The following TJP1 variants were observed in gnomAD, a reference collection of about 807,000 sequenced individuals.
TJP1 encodes the protein tight junction protein 1, also known as tight junction protein ZO-1.
TJP1 carries 43 observed loss-of-function variants against 194.2 expected under a neutral mutation model. That is an observed-to-expected ratio of 0.22 (90% CI 0.17 to 0.29). The LOEUF is 0.29. Among genes scored for constraint, TJP1 ranks in the 10% least tolerant of loss-of-function variants. TJP1 has a pLI of 1.00. For missense variants in TJP1, 1,971 were observed against 2,185.7 expected, an observed-to-expected ratio of 0.90 and a Z score of 1.96; for synonymous variants, 801 against 779.0, an observed-to-expected ratio of 1.03 and a Z score of -0.47.
chr15:29,802,925 CCTCT>C (rs1318158160), intron 1 of TJP1, among the ~76,000 whole-genome samples: 2 of 152,088 alleles, frequency 1.3e-5, no homozygotes, highest in Admixed American at 6.5e-5. Flanking sequence ...AGTTCATCAT[CCTCT>C]CTAAGGTCTT....
chr15:29,903,966 C>A (rs2053720665), intron 2 of TJP1, among the ~76,000 whole-genome samples: 1 of 152,122 alleles, frequency 6.6e-6, no homozygotes, highest in African/African-American at 2.4e-5. Context: ...AATTGAGAAG[C>A]ACAAGTGCCT....
intron 26 of TJP1, among the ~76,000 whole-genome samples, chr15:29,704,878 G>A (rs888260006): frequency 1.3e-5 from 2 of 152,206 alleles, no homozygotes; most frequent in African/African-American, 4.8e-5. Context: ...TCAGAGTACA[G>A]AATCAGATGT....
chr15:29,758,549 A>G (rs1016141102), intron 8 of TJP1, among the ~76,000 whole-genome samples: 1 of 152,234 alleles, frequency 6.6e-6, no homozygotes, highest in African/African-American at 2.4e-5. Context: ...TTTACAATCT[A>G]AACTAATGGC....
At chr15:29,716,947 C>T (rs2042606205) in intron 22 of TJP1, 109 bp from the exon 23 acceptor site, 2 of 905,184 alleles carry the variant, frequency 2.2e-6, no homozygotes, top group Non-Finnish European at 3.3e-6. Context: ...TTACTAACTG[C>T]TGTGATTACT....
At chr15:29,733,039 T>C (rs936876598) in intron 13 of TJP1, 55 bp downstream of exon 13, 28 of 1,555,604 alleles carry the variant, frequency 1.8e-5, no homozygotes, top group African/African-American at 1.4e-5. Flanking sequence ...GGGATTGAAA[T>C]GATCTATCAT....
At position 29,830,612 on chromosome 15, in the gene TJP1, A is replaced by G. The variant is rs967572198; in HGVS notation, c.307-29910T>C. Among the ~76,000 whole-genome samples, 4 of 151,770 alleles carry G rather than the reference A, an allele frequency of 2.6e-5. No homozygotes were observed. In the East Asian group the frequency reaches 7.7e-4, roughly 29 times the overall value. ...ACCAAGATTTTCTGTTTAAGAGAAA[A>G]GAGAAACAAGTATAAAATAAAAAAA... On this transcript the variant is annotated intron_variant, in intron 2 of 28. Coordinates refer to the TJP1 transcript ENST00000356107.
intron 2 of TJP1, among the ~76,000 whole-genome samples, chr15:29,912,396 C>T (rs2054042951): frequency 6.6e-6 from 1 of 152,108 alleles, no homozygotes; most frequent in African/African-American, 2.4e-5. Context: ...TAGTGAAAAA[C>T]AGAAATATTT....
chr15:29,814,813 C>T (rs1276151180), intron 1 of TJP1, among the ~76,000 whole-genome samples: 1 of 152,152 alleles, frequency 6.6e-6, no homozygotes, highest in Non-Finnish European at 1.5e-5. Flanking sequence ...CCAGTATTTT[C>T]AGTATATCAA....
At chr15:29,750,655 C>A (rs1048668173) in intron 8 of TJP1, among the ~76,000 whole-genome samples, 1 of 152,108 alleles carries the variant, frequency 6.6e-6, no homozygotes, top group Admixed American at 6.5e-5. Context: ...ACTTGATGTG[C>A]CTTATTTTAA....
At chr15:29,889,599 C>A (rs1402703379) in intron 2 of TJP1, among the ~76,000 whole-genome samples, 1 of 152,198 alleles carries the variant, frequency 6.6e-6, no homozygotes, top group Admixed American at 6.5e-5. Context: ...TTGGACATTA[C>A]AAACTAGCAT....
intron 2 of TJP1, among the ~76,000 whole-genome samples, chr15:29,774,094 G>A (rs1211129364): frequency 1.3e-5 from 2 of 152,108 alleles, no homozygotes; most frequent in Non-Finnish European, 2.9e-5. Flanking sequence ...AAGTACTTAA[G>A]AGTAGTTTAA....
chr15:29,937,135 T>C (rs920445509), intron 2 of TJP1, among the ~76,000 whole-genome samples: 2 of 152,230 alleles, frequency 1.3e-5, no homozygotes, highest in Non-Finnish European at 2.9e-5. Flanking sequence ...ATAGACTCTA[T>C]TATATTTCAT....
intron 2 of TJP1, among the ~76,000 whole-genome samples, chr15:29,927,575 T>C (rs1200467166): frequency 5.3e-5 from 8 of 152,140 alleles, no homozygotes; most frequent in Non-Finnish European, 1.2e-4. Flanking sequence ...ACTCCCCCTC[T>C]GAACACAACT....
In TJP1 at chr15:29,700,792, GTGATAACACAT is replaced by G. The variant is rs1024968739; in HGVS notation, c.*792_*802del. The stretch of plus-strand genomic sequence containing the variant: ...AAATCACACCACTATTTTCTTCTGG[GTGATAACACAT>G]TTCTGAAACCACCAAATGCACAACG... On this transcript the variant is annotated 3_prime_UTR_variant, in exon 28 of 28. Transcript: ENST00000614355. 33 of 192,630 alleles carry G rather than the reference GTGATAACACAT, an allele frequency of 1.7e-4. No homozygotes were observed. The highest frequency in any genetic ancestry group is 7.4e-4 in the African/African-American group (32 of 43,188). 11.9% of individuals were successfully genotyped at this position (192,630 alleles called of 1,614,324 possible).
intron 13 of TJP1, 105 bp downstream of exon 13, chr15:29,732,989 C>G (rs1238916035): frequency 1.2e-5 from 16 of 1,335,368 alleles, no homozygotes; most frequent in Non-Finnish European, 1.6e-5. Context: ...ACGTTGAATA[C>G]AATGAAAAAG....
chr15:29,806,595 T>C (rs2049124898), intron 1 of TJP1, among the ~76,000 whole-genome samples: 1 of 152,182 alleles, frequency 6.6e-6, no homozygotes, highest in African/African-American at 2.4e-5. Flanking sequence ...CCAAAGTGTT[T>C]CTGTTTTGGT....
At chr15:29,804,432 T>C (rs894236970) in intron 1 of TJP1, among the ~76,000 whole-genome samples, 1 of 152,158 alleles carries the variant, frequency 6.6e-6, no homozygotes, top group Non-Finnish European at 1.5e-5. Context: ...AGTAAATTTA[T>C]TAACCACTAT....
chr15:29,964,231 T>A (rs1343878580), intron 1 of TJP1, among the ~76,000 whole-genome samples: 4 of 151,996 alleles, frequency 2.6e-5, no homozygotes, highest in Non-Finnish European at 5.9e-5. Flanking sequence ...GACAGAGGAA[T>A]AAGGAAGCAA....
At position 29,741,347 on chromosome 15, in the gene TJP1, C is replaced by T; in HGVS notation, c.1240G>A (p.Glu414Lys). The T allele has an allele frequency of 6.3e-7, 1 of 1,591,928 alleles. No homozygotes were observed. Among genetic ancestry groups the T allele is most frequent in the Non-Finnish European group, 8.5e-7 (1 of 1,174,244 alleles). Residue 414 changes from glutamate (E) to lysine (K), a missense_variant, in exon 10 of 28, where the codon GAA becomes AAA. Physicochemically the swap from Glu to Lys is moderately conservative, Grantham distance 56. Coordinates refer to ENST00000614355, the MANE Select transcript of TJP1 (RefSeq NM_001330239.4). The part of the protein sequence containing the change: ...SDGVLPNSTH[E>K]DGILRPSMKL... The stretch of plus-strand genomic sequence containing the variant: ...TTGTATTACCGAAGAATCCCATCTT[C>T]ATGAGTTGAATTAGGTAGGACACCA...
Sources: gnomAD v4.1 joint callset for allele counts (sites outside exome capture counted in the v4.1 genomes callset) on GRCh38, gnomAD v4.1.1 for gene constraint, MANE v1.5 for transcripts, NCBI Gene and HGNC (gene_info 2026-07-23, HGNC 2026-07-21) for gene names.